The following PPEF2 variants were observed in gnomAD, a reference collection of about 807,000 sequenced individuals.
PPEF2 encodes the protein serine/threonine-protein phosphatase with EF-hands 2.
Under a neutral mutation model 84.7 loss-of-function variants are expected in PPEF2, and 84 were observed. The ratio of observed to expected loss-of-function variants is 0.99; its 90% CI spans 0.83 to 1.19. The LOEUF is 1.19. PPEF2 is among the 50% of genes most tolerant of loss of function. The probability of loss-of-function intolerance (pLI) is 0.00; values close to 1 mark genes in which losing one functional copy is unlikely to be tolerated. For synonymous variants in PPEF2, 346 were observed against 345.2 expected (o/e 1.00, Z -0.03); for missense variants, 924 against 937.5 (o/e 0.99, Z 0.19).
chr4:75,876,532 G>A lies in PPEF2; in HGVS notation c.1075C>T (p.Leu359Phe). 1 of 1,614,138 alleles carries A rather than the reference G, an allele frequency of 6.2e-7. No homozygotes were observed. The change falls in exon 11 of 17, where the codon CTT becomes TTT. Residue 359 changes from leucine (L) to phenylalanine (F), a missense_variant. Physicochemically the swap from Leu to Phe is conservative, Grantham distance 22. Coordinates refer to ENST00000286719, the MANE Select transcript of PPEF2 (RefSeq NM_006239.3). ...TGGGCCTTGTAGGAGCCAAGCCGAA[G>A]GGGCGAAGAGGGAAGAGAGCGGCTT... ...PESRSLPSSP[L>F]RLGSYKAQKT...
chr4:75,901,335 G>A (rs1480784941), intron 1 of PPEF2, among the ~76,000 whole-genome samples: 1 of 152,112 alleles, frequency 6.6e-6, no homozygotes, highest in East Asian at 1.9e-4. Flanking sequence ...AGCCAAGATG[G>A]TGAAATCCTA....
At position 75,860,545 on chromosome 4, in the gene PPEF2, C is replaced by G; in HGVS notation, c.*122G>C. The G allele has an allele frequency of 1.2e-5, 15 of 1,235,736 alleles. No individual in the cohort carries two copies. Among genetic ancestry groups the G allele is most frequent in the Non-Finnish European group, 1.5e-5 (13 of 887,522 alleles). 76.5% of individuals were successfully genotyped at this position (1,235,736 alleles called of 1,614,324 possible). On this transcript the variant is annotated 3_prime_UTR_variant, in exon 17 of 17. Transcript: ENST00000286719. ...TCCACACTGAAATACACAGGTGATT[C>G]TGATGCATATGGATAGGTAAATTTT...
chr4:75,860,523 A>C lies in PPEF2; in HGVS notation c.*144T>G. The stretch of plus-strand genomic sequence containing the variant: ...ACACAACACCCCAACCCACCCCTCC[A>C]CACTGAAATACACAGGTGATTCTGA... On this transcript the variant is annotated 3_prime_UTR_variant, in exon 17 of 17. Coordinates refer to ENST00000286719, the MANE Select transcript of PPEF2 (RefSeq NM_006239.3). 1 of 1,063,850 alleles carries C rather than the reference A, an allele frequency of 9.4e-7. No individual in the cohort carries two copies. The highest frequency in any genetic ancestry group is 1.3e-6 in the Non-Finnish European group (1 of 748,058). The allele number at this position is 1,063,850 out of a possible 1,614,324, so 65.9% of individuals were successfully genotyped here. A position where few individuals can be genotyped will look rare whatever the true frequency, so the allele number is the denominator to read the frequency against.
chr4:75,860,960 G>A (rs776823097), intron 16 of PPEF2, 40 bp from the exon 17 acceptor site: 1 of 1,596,204 alleles, frequency 6.3e-7, no homozygotes, highest in South Asian at 1.1e-5. Context: ...AGTTAGTCTA[G>A]TTTTTAATGT....
At chr4:75,901,288 G>T (rs973242101) in intron 1 of PPEF2, among the ~76,000 whole-genome samples, 8 of 152,198 alleles carry the variant, frequency 5.3e-5, no homozygotes, top group Non-Finnish European at 8.8e-5. Context: ...GGCTGAGGCG[G>T]TTGGATCCCC....
chr4:75,890,176 C>T (rs1302327403), intron 4 of PPEF2, 44 bp from the exon 5 acceptor site: 1 of 1,603,848 alleles, frequency 6.2e-7, no homozygotes, highest in South Asian at 1.1e-5. Flanking sequence ...ATCATCTGAT[C>T]ATGCAGTCTG....
intron 11 of PPEF2, among the ~76,000 whole-genome samples, chr4:75,875,285 A>G (rs184805712): frequency 6.6e-6 from 1 of 152,206 alleles, no homozygotes; most frequent in Non-Finnish European, 1.5e-5. Context: ...GCAAGTTCCT[A>G]TAATTCTGTT....
At chr4:75,864,885 T>C (rs988837079) in intron 15 of PPEF2, among the ~76,000 whole-genome samples, 1 of 152,200 alleles carries the variant, frequency 6.6e-6, no homozygotes, top group Non-Finnish European at 1.5e-5. Flanking sequence ...AGTTTAAACA[T>C]AAAATTAATT....
At chr4:75,898,390 T>A (rs767806646) in intron 1 of PPEF2, among the ~76,000 whole-genome samples, 9 of 152,234 alleles carry the variant, frequency 5.9e-5, no homozygotes, top group Non-Finnish European at 8.8e-5. Flanking sequence ...GACCTCTGTG[T>A]TTCTGCTCTT....
chr4:75,894,313 A>T (rs1041631700), intron 2 of PPEF2, among the ~76,000 whole-genome samples: 1 of 152,212 alleles, frequency 6.6e-6, no homozygotes, highest in African/African-American at 2.4e-5. Flanking sequence ...TAATGGAAGT[A>T]TAAGCTTGCC....
In PPEF2 at chr4:75,871,111, G is replaced by C. The variant is rs566431110; in HGVS notation, c.1649+914C>G. Among the ~76,000 whole-genome samples, 34 of 151,906 alleles carry C rather than the reference G, an allele frequency of 2.2e-4. No homozygotes were observed. The South Asian group carries it at 6.9e-3, about 31-fold the overall frequency. Reference sequence around the variant, plus strand: ...TTTTTTGTATTTTTAGTAGAGACAGGGTTTCACCATGTTGGCCAGGCCAGT... The same window carrying C: ...TTTTTTGTATTTTTAGTAGAGACAGCGTTTCACCATGTTGGCCAGGCCAGT... On this transcript the variant is annotated intron_variant, in intron 13 of 16. Coordinates refer to ENST00000286719, the MANE Select transcript of PPEF2 (RefSeq NM_006239.3).
intron 1 of PPEF2, among the ~76,000 whole-genome samples, chr4:75,896,893 CTTTT>C (rs1180371215): frequency 4.6e-5 from 7 of 151,654 alleles, no homozygotes; most frequent in Admixed American, 6.6e-5. Context: ...TTCTTTCTTT[CTTTT>C]TTGAGACAGA....
chr4:75,860,594 A>G lies in PPEF2; in HGVS notation c.*73T>C. On this transcript the variant is annotated 3_prime_UTR_variant, in exon 17 of 17. Coordinates refer to ENST00000286719, the MANE Select transcript of PPEF2 (RefSeq NM_006239.3). ...TTCAGCATAAAGTTTCACATGGAGA[A>G]TAAGGGAGATAGTCTAGTGAGAAGC... 1 of 1,563,330 alleles carries G rather than the reference A, an allele frequency of 6.4e-7. No individual in the cohort carries two copies. Among genetic ancestry groups the G allele is most frequent in the South Asian group, 1.2e-5 (1 of 86,010 alleles).
At chr4:75,888,781 C>T (rs1724800711) in intron 5 of PPEF2, among the ~76,000 whole-genome samples, 1 of 152,220 alleles carries the variant, frequency 6.6e-6, no homozygotes, top group Admixed American at 6.5e-5. Flanking sequence ...TATCTCGCTA[C>T]CTCTACCCTA....
At chr4:75,879,075 G>T (rs1161372486) in intron 10 of PPEF2, among the ~76,000 whole-genome samples, 1 of 152,090 alleles carries the variant, frequency 6.6e-6, no homozygotes, top group Admixed American at 6.6e-5. Flanking sequence ...CCCATCTTAT[G>T]TTTCCAGTGA....
At chr4:75,872,206 C>T (rs1724299284) in intron 12 of PPEF2, 39 bp from the exon 13 acceptor site, 1 of 1,591,728 alleles carries the variant, frequency 6.3e-7, no homozygotes, top group Non-Finnish European at 8.6e-7. Context: ...TTCACATTCA[C>T]TGAAGAAACC....
intron 1 of PPEF2, among the ~76,000 whole-genome samples, chr4:75,899,548 G>A (rs1002574289): frequency 2.6e-5 from 4 of 151,972 alleles, no homozygotes; most frequent in East Asian, 1.9e-4. Context: ...ACTCTCCTCC[G>A]CTATTTTTGA....
At chr4:75,863,211 G>A (rs948269512) in intron 16 of PPEF2, among the ~76,000 whole-genome samples, 1 of 151,954 alleles carries the variant, frequency 6.6e-6, no homozygotes, top group Non-Finnish European at 1.5e-5. Context: ...AATGTTCTAG[G>A]CCAGGTGCAG....
At chr4:75,890,811 C>T (rs1382657617) in intron 4 of PPEF2, among the ~76,000 whole-genome samples, 2 of 152,214 alleles carry the variant, frequency 1.3e-5, no homozygotes, top group African/African-American at 4.8e-5. Context: ...CCAGCAGCTT[C>T]CAGCTGCCAG....
Sources: gnomAD v4.1 joint callset for allele counts (sites outside exome capture counted in the v4.1 genomes callset) on GRCh38, gnomAD v4.1.1 for gene constraint, MANE v1.5 for transcripts, NCBI Gene and HGNC (gene_info 2026-07-23, HGNC 2026-07-21) for gene names.